EXOC3: variants seen among roughly 807,000 people sequenced by gnomAD.
EXOC3 encodes the protein SEC6-like 1.
In EXOC3, 21 loss-of-function variants were observed where a neutral mutation model predicts 73.7. That is an observed-to-expected ratio of 0.29 (90% CI 0.20 to 0.41). EXOC3 has a LOEUF of 0.41. Among genes scored for constraint, EXOC3 ranks in the 10% least tolerant of loss-of-function variants. The pLI, the probability that EXOC3 is intolerant of heterozygous loss-of-function variation, is 1.00. For synonymous variants in EXOC3, 410 were observed against 389.1 expected (o/e 1.05, Z -0.63); for missense variants, 842 against 985.1 (o/e 0.85, Z 1.95).
rs1737544067 is a variant in EXOC3, at chr5:447,627, C to A, written c.239C>A (p.Ala80Glu). Residue 80 changes from alanine (A) to glutamate (E), a missense_variant, in exon 3 of 13, where the codon GCA becomes GAA. Ala to Glu is a moderately radical substitution (Grantham distance 107). Transcript: ENST00000512944. ...GTCAAAGACATCCAGCAGTCGCTGGCAGACGTCAGCAAGGACTGGAGGCAG... is the reference window on the plus strand; with the variant it reads ...GTCAAAGACATCCAGCAGTCGCTGGAAGACGTCAGCAAGGACTGGAGGCAG... The part of the protein sequence containing the change: ...NDVKDIQQSL[A>E]DVSKDWRQSI... 3 of 1,583,684 alleles carry A rather than the reference C, an allele frequency of 1.9e-6. No individual in the cohort carries two copies. The highest frequency in any genetic ancestry group is 2.6e-6 in the Non-Finnish European group (3 of 1,164,934).
intron 7 of EXOC3, chr5:461,608 A>G (rs1206840374): frequency 2.6e-5 from 4 of 156,496 alleles, no homozygotes; most frequent in East Asian, 1.4e-4. Flanking sequence ...GCAAGACTCT[A>G]TCTCAAAAAA....
At chr5:458,070 T>C (rs543799359) in intron 6 of EXOC3, 45 bp downstream of exon 6, 1 of 1,592,576 alleles carries the variant, frequency 6.3e-7, no homozygotes, top group African/African-American at 1.3e-5. Context: ...CCTAGGTGGA[T>C]AGTGGGACCT....
rs571767436 is a variant in EXOC3 at position 453,613 on chromosome 5, G to A, written c.608G>A (p.Arg203His). ...MVLQRSLVTVRRDPTLLVSVV... is the reference protein window; with the variant it reads ...MVLQRSLVTVHRDPTLLVSVV... ...CTGCAGAGGTCACTGGTCACTGTCC[G>A]CCGTGACCCCACCTTGCTGGTCTCA... Residue 203 changes from arginine (R) to histidine (H), a missense_variant, in exon 4 of 13, where the codon CGC (arginine) becomes CAC (histidine). Coordinates refer to ENST00000512944, the MANE Select transcript of EXOC3 (RefSeq NM_007277.5). 5 of 1,613,916 alleles carry A rather than the reference G, an allele frequency of 3.1e-6. No homozygotes were observed. Among genetic ancestry groups the A allele is most frequent in the East Asian group, 2.2e-5 (1 of 44,890 alleles).
chr5:446,108 G>T, intron 1 of EXOC3, 42 bp from the exon 2 acceptor site: 1 of 1,428,878 alleles, frequency 7.0e-7, no homozygotes, highest in Non-Finnish European at 9.9e-7. Flanking sequence ...TTTGGGGGAG[G>T]TTTTGTACCT....
At chr5:447,806 T>C in intron 3 of EXOC3, 54 bp downstream of exon 3, 1 of 1,276,844 alleles carries the variant, frequency 7.8e-7, no homozygotes. Context: ...TTTGCATGAC[T>C]CACTGAGTGC....
At chr5:462,769 A>G (rs1223940970) in intron 9 of EXOC3, among the ~76,000 whole-genome samples, 1 of 152,254 alleles carries the variant, frequency 6.6e-6, no homozygotes, top group Non-Finnish European at 1.5e-5. Context: ...ATGGCTTAAC[A>G]TTATTTAGAG....
chr5:451,275 T>G (rs1438357863), intron 3 of EXOC3, among the ~76,000 whole-genome samples: 1 of 152,248 alleles, frequency 6.6e-6, no homozygotes. Flanking sequence ...TCAGTTTGAA[T>G]TTATATCAAC....
intron 1 of EXOC3, among the ~76,000 whole-genome samples, chr5:443,536 C>T (rs932539337): frequency 6.6e-6 from 1 of 151,098 alleles, no homozygotes; most frequent in Non-Finnish European, 1.5e-5. Flanking sequence ...GCACATGTGT[C>T]CCCACAGGCA....
intron 1 of EXOC3, among the ~76,000 whole-genome samples, chr5:445,643 C>T (rs1168943119): frequency 6.6e-6 from 1 of 152,212 alleles, no homozygotes; most frequent in Admixed American, 6.5e-5. Flanking sequence ...CGTGAGCCAC[C>T]GGGCCTGGCT....
At chr5:466,171 GTTTAGGAAGTTTC>G in intron 12 of EXOC3, 1 of 350,712 alleles carries the variant, frequency 2.9e-6, no homozygotes, top group East Asian at 6.1e-5. Context: ...AGTGGGGCGA[GTTTAGGAAGTTTC>G]CTCTGTGCTC....
rs750780519 is a variant in EXOC3 at position 453,460 on chromosome 5, G to A, written c.455G>A (p.Arg152Gln). Reference sequence around the variant, plus strand: ...AAGCTGATGGACCTGGAGTGCTCCCGGGACGGGCTGATGTACGAGCAGTAC... The same window carrying A: ...AAGCTGATGGACCTGGAGTGCTCCCAGGACGGGCTGATGTACGAGCAGTAC... ...HRKLMDLECS[R>Q]DGLMYEQYRM... The change falls in exon 4 of 13, where the codon CGG (arginine) becomes CAG (glutamine). Residue 152 changes from arginine (R) to glutamine (Q), a missense_variant. Arg to Gln is a conservative substitution (Grantham distance 43, BLOSUM62 1). Coordinates refer to ENST00000512944, the MANE Select transcript of EXOC3 (RefSeq NM_007277.5). 1.2e-5 allele frequency: 19 copies of A among 1,612,846 alleles called. No homozygotes were observed. The highest frequency in any genetic ancestry group is 3.3e-5 in the South Asian group (3 of 90,934).
At chr5:452,633 A>T (rs902692964) in intron 3 of EXOC3, among the ~76,000 whole-genome samples, 7 of 152,124 alleles carry the variant, frequency 4.6e-5, no homozygotes, top group Non-Finnish European at 7.4e-5. Flanking sequence ...TAATGTGATA[A>T]CTCTGGAAAT....
chr5:465,449 A>T (rs1375813586), intron 11 of EXOC3, among the ~76,000 whole-genome samples, 177 bp downstream of exon 11: 1 of 152,188 alleles, frequency 6.6e-6, no homozygotes, highest in Non-Finnish European at 1.5e-5. Context: ...ACAGAGGTAG[A>T]CGCGCCGGCC....
Position 459,452 on chromosome 5 carries a change from C to T in EXOC3, c.1384C>T (p.Leu462=), listed in dbSNP as rs1477398660. The part of the protein sequence containing the change: ...VLCLQQMNSF[L]SRYKDEAQLY... ...ATGTCTTCAGCAGATGAATTCTTTC[C>T]TAAGCAGGTATGTCTTTCTGCCAGT... The change falls in exon 7 of 13, where the codon CTA becomes TTA. Residue 462 remains leucine (L), a synonymous_variant. Coordinates refer to ENST00000512944, the MANE Select transcript of EXOC3 (RefSeq NM_007277.5). 2.6e-6 allele frequency: 4 copies of T among 1,521,704 alleles called. No homozygotes were observed. The highest frequency in any genetic ancestry group is 3.6e-6 in the Non-Finnish European group (4 of 1,115,266). 94.3% of individuals were successfully genotyped at this position (1,521,704 alleles called of 1,614,324 possible). A position where few individuals can be genotyped will look rare whatever the true frequency, so the allele number is the denominator to read the frequency against.
intron 12 of EXOC3, chr5:466,516 GA>G (rs1738156435): frequency 1.8e-6 from 1 of 555,130 alleles, no homozygotes; most frequent in Non-Finnish European, 3.2e-6. Flanking sequence ...AAGCAGTGTT[GA>G]AAAATCTTTC....
In EXOC3 at chr5:443,302, G is replaced by T. The variant is rs929995433; in HGVS notation, c.-57+12G>T. On this transcript the variant is annotated intron_variant, in intron 1 of 12. Coordinates refer to ENST00000512944, the MANE Select transcript of EXOC3 (RefSeq NM_007277.5). ...CGTAGCCGTAGAGGGTGAGTCGGTG[G>T]CAGGTCCTGACGGCCGGCGGGTCCT... 1.3e-5 allele frequency: 2 copies of T among 150,672 alleles called. No individual in the cohort carries two copies. The highest frequency in any genetic ancestry group is 1.8e-4 in the East Asian group (1 of 5,414). The allele number at this position is 150,672 out of a possible 1,614,324, so 9.3% of individuals were successfully genotyped here.
At chr5:459,227 T>A (rs1579741735) in intron 6 of EXOC3, 132 bp from the exon 7 acceptor site, 2 of 33,540 alleles carry the variant, frequency 6.0e-5, no homozygotes, top group Admixed American at 5.8e-4. Flanking sequence ...CGTGGTTTCA[T>A]TTTTTTTTTC....
rs186299011 is a variant in EXOC3, at chr5:447,692, G to A, written c.304G>A (p.Ala102Thr). The stretch of plus-strand genomic sequence containing the variant: ...TGAGAGCCTCAAGGACGTCAAAGAC[G>A]CCGTGGTGCAGCACAGCCAGCTCGC... ...TIESLKDVKD[A>T]VVQHSQLAAA... The change falls in exon 3 of 13, where the codon GCC (alanine) becomes ACC (threonine). Residue 102 changes from alanine to threonine, a missense_variant. By Grantham distance (58) the Ala-to-Thr change is moderately conservative (BLOSUM62 0). Transcript: ENST00000512944. 7.5e-6 allele frequency: 12 copies of A among 1,591,372 alleles called. No homozygotes were observed. In the Middle Eastern group the frequency reaches 5.0e-4, roughly 66 times the overall value.
At chr5:466,449 G>A (rs1171594955) in intron 12 of EXOC3, 15 of 409,692 alleles carry the variant, frequency 3.7e-5, no homozygotes, top group African/African-American at 2.8e-4. Context: ...GTGGAAAAAC[G>A]GGGTCTTGAG....
Sources: gnomAD v4.1 joint callset for allele counts (sites outside exome capture counted in the v4.1 genomes callset) on GRCh38, gnomAD v4.1.1 for gene constraint, MANE v1.5 for transcripts, NCBI Gene and HGNC (gene_info 2026-07-23, HGNC 2026-07-21) for gene names.